Variants in ACSS3 observed in about 807,000 individuals in gnomAD.
ACSS3 encodes the protein acyl-CoA synthetase short-chain family member 3, mitochondrial.
In ACSS3, 64 loss-of-function variants were observed where a neutral mutation model predicts 84.2. That is an observed-to-expected ratio of 0.76 (90% CI 0.62 to 0.94). ACSS3 has a LOEUF of 0.94. ACSS3 is among the 40% of genes least tolerant of loss of function. The pLI, the probability that ACSS3 is intolerant of heterozygous loss-of-function variation, is 0.00. For missense variants in ACSS3, 815 were observed against 867.6 expected (o/e 0.94, Z 0.76); for synonymous variants, 317 against 310.1 (o/e 1.02, Z -0.23).
chr12:81,215,324 A>T (rs939276366), intron 9 of ACSS3, among the ~76,000 whole-genome samples: 4 of 151,928 alleles, frequency 2.6e-5, no homozygotes, highest in Non-Finnish European at 4.4e-5. Flanking sequence ...CTTGCCGATG[A>T]TCCTCAGCAG....
chr12:81,131,412 G>T (rs1178473487), intron 2 of ACSS3, among the ~76,000 whole-genome samples: 1 of 152,136 alleles, frequency 6.6e-6, no homozygotes, highest in Non-Finnish European at 1.5e-5. Flanking sequence ...ATTCGCTCAT[G>T]ATTTGGCTCT....
chr12:81,181,497 A>G (rs1054821769), intron 8 of ACSS3, among the ~76,000 whole-genome samples: 2 of 152,344 alleles, frequency 1.3e-5, no homozygotes, highest in East Asian at 1.9e-4. Context: ...GCAAGGGAAC[A>G]TGATGCCACC....
intron 8 of ACSS3, among the ~76,000 whole-genome samples, chr12:81,195,528 A>G (rs981584723): frequency 7.9e-5 from 12 of 152,082 alleles, no homozygotes; most frequent in Admixed American, 7.9e-4. Context: ...ACAAATATAT[A>G]CATTTGATTA....
rs183602253 is a variant in ACSS3, at chr12:81,218,390, C to T, written c.1450+1394C>T. ...ATGTTTCTTATTTGCATATAAACTACAAAATTCAGAGATTTGACTTTTGCT... is the reference window on the plus strand; with the variant it reads ...ATGTTTCTTATTTGCATATAAACTATAAAATTCAGAGATTTGACTTTTGCT... On this transcript the variant is annotated intron_variant, in intron 10 of 15. Transcript: ENST00000548058. Among the ~76,000 whole-genome samples the T allele has an allele frequency of 1.4e-3, 211 of 152,236 alleles. 1 individual carries two copies. Among genetic ancestry groups the T allele is most frequent in the African/African-American group, 4.9e-3 (203 of 41,548 alleles).
intron 13 of ACSS3, among the ~76,000 whole-genome samples, chr12:81,248,589 C>T (rs527482909): frequency 4.5e-4 from 68 of 151,844 alleles, no homozygotes; most frequent in Non-Finnish European, 7.1e-4. Context: ...GAAAAGAGAT[C>T]GGTTAATGGG....
intron 8 of ACSS3, among the ~76,000 whole-genome samples, chr12:81,197,736 C>T (rs2031903817): frequency 6.6e-6 from 1 of 152,154 alleles, no homozygotes; most frequent in Non-Finnish European, 1.5e-5. Flanking sequence ...TACAATGACA[C>T]CCTATTTTTC....
rs761372088 is a variant in ACSS3, at chr12:81,255,998, CTCTT to C, written c.*1077_*1080del. ...AAATGGGGTAGGGTGGCAAGGAAAA[CTCTT>C]AAGAGAGAAACATCAAGGTTTTCAC... On this transcript the variant is annotated 3_prime_UTR_variant, in exon 16 of 16. Coordinates refer to ENST00000548058, the MANE Select transcript of ACSS3 (RefSeq NM_024560.4). 1 of 152,146 alleles carries C rather than the reference CTCTT, an allele frequency of 6.6e-6. No individual in the cohort carries two copies. Among genetic ancestry groups the C allele is most frequent in the Non-Finnish European group, 1.5e-5 (1 of 68,036 alleles). The allele number at this position is 152,146 out of a possible 1,614,324, so 9.4% of individuals were successfully genotyped here.
chr12:81,188,993 A>T (rs950366237), intron 8 of ACSS3, among the ~76,000 whole-genome samples: 2 of 152,060 alleles, frequency 1.3e-5, no homozygotes, highest in Admixed American at 1.3e-4. Context: ...TCATCATGTT[A>T]TTCCCAAATC....
intron 1 of ACSS3, among the ~76,000 whole-genome samples, chr12:81,089,638 A>T (rs1347765175): frequency 6.6e-6 from 1 of 151,992 alleles, no homozygotes; most frequent in Admixed American, 6.6e-5. Context: ...ACATGTGATT[A>T]TTCTCTAGCT....
At chr12:81,148,076 G>A (rs1243273316) in intron 5 of ACSS3, among the ~76,000 whole-genome samples, 1 of 151,384 alleles carries the variant, frequency 6.6e-6, no homozygotes, top group Non-Finnish European at 1.5e-5. Context: ...ACTTAATGTA[G>A]GAAATAGGAA....
chr12:81,194,142 A>C, intron 8 of ACSS3, among the ~76,000 whole-genome samples: 1 of 151,774 alleles, frequency 6.6e-6, no homozygotes, highest in Non-Finnish European at 1.5e-5. Context: ...AGATAACTAT[A>C]AAATATAGAT....
At chr12:81,239,937 T>C (rs180990829) in intron 13 of ACSS3, among the ~76,000 whole-genome samples, 1 of 152,132 alleles carries the variant, frequency 6.6e-6, no homozygotes, top group East Asian at 1.9e-4. Flanking sequence ...ACAGCAGTGA[T>C]ACAAGGGCTA....
chr12:81,235,572 G>C (rs970976226), intron 13 of ACSS3, among the ~76,000 whole-genome samples: 3 of 151,276 alleles, frequency 2.0e-5, no homozygotes, highest in Non-Finnish European at 4.4e-5. Context: ...ATATTGATTG[G>C]AGAAAAATTG....
At chr12:81,198,534 A>AAC (rs139672244) in intron 8 of ACSS3, among the ~76,000 whole-genome samples, 9,344 of 150,652 alleles carry the variant, frequency 0.062, 361 homozygotes, top group African/African-American at 0.096. Flanking sequence ...TAACTCTTTG[A>AAC]ACACACACAC....
intron 9 of ACSS3, among the ~76,000 whole-genome samples, chr12:81,204,294 TTCCTCCTCTTCTTCCTTCC>T (rs1486500686): frequency 5.3e-5 from 8 of 150,848 alleles, no homozygotes; most frequent in African/African-American, 2.0e-4. Context: ...CTCTTCTTCC[TTCCTCCTCTTCTTCCTTCC>T]TCCTCTTCTT....
intron 4 of ACSS3, 28 bp downstream of exon 4, chr12:81,139,293 G>C (rs1175832578): frequency 8.1e-6 from 13 of 1,610,000 alleles, no homozygotes; most frequent in Non-Finnish European, 1.0e-5. Context: ...TTTGGTTCTT[G>C]CTTATGGTAA....
At chr12:81,215,925 A>C (rs1036875574) in intron 9 of ACSS3, among the ~76,000 whole-genome samples, 1 of 152,146 alleles carries the variant, frequency 6.6e-6, no homozygotes, top group Non-Finnish European at 1.5e-5. Context: ...ATTGCAGGCT[A>C]GTTGTGAGAA....
rs908375978 is a variant in ACSS3, at chr12:81,143,948, G to C, written c.921+701G>C. On this transcript the variant is annotated intron_variant, in intron 5 of 15. Coordinates refer to ENST00000548058, the MANE Select transcript of ACSS3 (RefSeq NM_024560.4). ...TGTTTCTTCATAGACCCTTATAAAA[G>C]ATAACAGTATCATTTTCCTTACTCA... 7.2e-5 allele frequency among the ~76,000 whole-genome samples: 11 copies of C among 152,130 alleles called. 1 individual carries two copies. The highest frequency in any genetic ancestry group is 6.5e-4 in the Admixed American group (10 of 15,278).
At chr12:81,081,761 T>A (rs1292593396) in intron 1 of ACSS3, among the ~76,000 whole-genome samples, 2 of 152,208 alleles carry the variant, frequency 1.3e-5, no homozygotes, top group East Asian at 3.8e-4. Flanking sequence ...AATCAATATG[T>A]ATTAACAGTG....
Sources: gnomAD v4.1 joint callset for allele counts (sites outside exome capture counted in the v4.1 genomes callset) on GRCh38, gnomAD v4.1.1 for gene constraint, MANE v1.5 for transcripts, NCBI Gene and HGNC (gene_info 2026-07-23, HGNC 2026-07-21) for gene names.